The following GPAT4 variants were observed in gnomAD, a reference collection of about 807,000 sequenced individuals.
GPAT4 encodes 1-AGP acyltransferase 6.
GPAT4 carries 17 observed loss-of-function variants against 58.0 expected under a neutral mutation model. The observed-to-expected ratio is 0.29, with a 90% CI of 0.20 to 0.44. The LOEUF (loss-of-function observed/expected upper bound fraction) is 0.44. Among genes scored for constraint, GPAT4 ranks in the 20% least tolerant of loss-of-function variants. The pLI is 1.00. For synonymous variants in GPAT4, 204 were observed against 210.1 expected (o/e 0.97, Z 0.25); for missense variants, 377 against 574.5 (o/e 0.66, Z 3.51).
At chr8:41,619,969 G>A (rs1191504870) in intron 12 of GPAT4, among the ~76,000 whole-genome samples, 5 of 152,200 alleles carry the variant, frequency 3.3e-5, no homozygotes, top group Non-Finnish European at 5.9e-5. Context: ...TTTTGCAGAT[G>A]AGAAACTGAG....
chr8:41,620,751 G>C, intron 12 of GPAT4, 142 bp from the exon 13 acceptor site: 1 of 1,376,958 alleles, frequency 7.3e-7, no homozygotes, highest in African/African-American at 1.5e-5. Context: ...ATCCCCTGAG[G>C]TTGTCTTGGT....
At chr8:41,589,973 G>A (rs563864633) in intron 1 of GPAT4, among the ~76,000 whole-genome samples, 20 of 152,322 alleles carry the variant, frequency 1.3e-4, no homozygotes, top group African/African-American at 3.8e-4. Flanking sequence ...TCTAGAACAC[G>A]GTTAGAAAAC....
rs750301619 is a variant in GPAT4 at position 41,612,893 on chromosome 8, G to T, written c.844G>T (p.Val282Leu). The change falls in exon 8 of 13, where the codon GTG (valine) becomes TTG (leucine). Residue 282 changes from valine to leucine, a missense_variant. By Grantham distance (32) the Val-to-Leu change is conservative. Transcript: ENST00000396987. ...GLMGVIQRAM[V>L]KACPHVWFER... ...CATGGGTGTGATTCAGAGAGCCATG[G>T]TGAAGGCCTGCCCACACGTCTGGTT... 6.2e-7 allele frequency: 1 copy of T among 1,614,136 alleles called. No individual in the cohort carries two copies. Among genetic ancestry groups the T allele is most frequent in the Non-Finnish European group, 8.5e-7 (1 of 1,180,028 alleles).
At chr8:41,607,891 A>G (rs932797122) in intron 2 of GPAT4, among the ~76,000 whole-genome samples, 3 of 152,162 alleles carry the variant, frequency 2.0e-5, no homozygotes, top group African/African-American at 7.2e-5. Flanking sequence ...CAAAATGTAG[A>G]ACCCTAAATT....
intron 1 of GPAT4, among the ~76,000 whole-genome samples, chr8:41,578,964 C>A (rs917345774): frequency 8.5e-5 from 13 of 152,110 alleles, no homozygotes; most frequent in Non-Finnish European, 1.3e-4. Flanking sequence ...CCAAGTATTA[C>A]CATGGATCTT....
chr8:41,589,233 C>T (rs1315242501), intron 1 of GPAT4, among the ~76,000 whole-genome samples: 1 of 152,186 alleles, frequency 6.6e-6, no homozygotes, highest in Non-Finnish European at 1.5e-5. Flanking sequence ...TTGGCTTGCT[C>T]TTTCCTCTAC....
rs1021653408 is a variant in GPAT4 at position 41,621,175 on chromosome 8, C to T, written c.*174C>T. The T allele has an allele frequency of 2.1e-5, 19 of 905,218 alleles. No individual in the cohort carries two copies. In the Admixed American group the frequency reaches 2.6e-4, roughly 12 times the overall value. The allele number at this position is 905,218 out of a possible 1,614,324, so 56.1% of individuals were successfully genotyped here. ...CGCAGCGGGATCCCTGTGCACCCGGCGCAGCCTACCCTTGGTGGTCTAAAC... is the reference window on the plus strand; with the variant it reads ...CGCAGCGGGATCCCTGTGCACCCGGTGCAGCCTACCCTTGGTGGTCTAAAC... On this transcript the variant is annotated 3_prime_UTR_variant, in exon 13 of 13. Transcript: ENST00000396987.
rs145025768 is a variant in GPAT4, at chr8:41,580,403, T to C, written c.-849+2125T>C. Among the ~76,000 whole-genome samples, 414 of 152,358 alleles carry C rather than the reference T, an allele frequency of 2.7e-3. 1 individual carries two copies. The highest frequency in any genetic ancestry group is 9.2e-3 in the African/African-American group (382 of 41,594). The stretch of plus-strand genomic sequence containing the variant: ...CTCAGAAAGCCTTTCATGCCATTAA[T>C]AGGTAAGAATCTGGGCTTCTTGGAC... On this transcript the variant is annotated intron_variant, in intron 1 of 12. Transcript: ENST00000396987.
chr8:41,591,571 GTAA>G (rs1259616523), intron 1 of GPAT4, among the ~76,000 whole-genome samples: 1 of 152,228 alleles, frequency 6.6e-6, no homozygotes, highest in Non-Finnish European at 1.5e-5. Flanking sequence ...GTGAACTAAG[GTAA>G]TGATGAAGCT....
At position 41,605,651 on chromosome 8, in the gene GPAT4, T is replaced by G. The variant is rs969240220; in HGVS notation, c.166-3765T>G. On this transcript the variant is annotated intron_variant, in intron 2 of 12. Coordinates refer to ENST00000396987, the MANE Select transcript of GPAT4 (RefSeq NM_178819.4). The stretch of plus-strand genomic sequence containing the variant: ...GTGCAGTGGCGCAATCTTGGCTCAC[T>G]GCAACCTTCGCCTCCTGGGTTCAAG... Among the ~76,000 whole-genome samples, 3 of 152,192 alleles carry G rather than the reference T, an allele frequency of 2.0e-5. No individual in the cohort carries two copies. In the East Asian group the frequency reaches 5.8e-4, roughly 29 times the overall value.
chr8:41,587,133 A>G (rs569854215), intron 1 of GPAT4, among the ~76,000 whole-genome samples: 144 of 152,326 alleles, frequency 9.5e-4, no homozygotes, highest in African/African-American at 3.3e-3. Context: ...GCATTTACAC[A>G]GAGTGCCATT....
chr8:41,588,314 C>T (rs552502356), intron 1 of GPAT4, among the ~76,000 whole-genome samples: 2 of 152,110 alleles, frequency 1.3e-5, no homozygotes, highest in Admixed American at 1.3e-4. Flanking sequence ...AGTTATGGTC[C>T]CTGAGTTGGG....
intron 1 of GPAT4, among the ~76,000 whole-genome samples, chr8:41,590,902 C>T (rs1305808770): frequency 1.3e-5 from 2 of 151,492 alleles, no homozygotes; most frequent in Non-Finnish European, 2.9e-5. Flanking sequence ...GATAAACAAA[C>T]GAGGTAACAA....
In GPAT4 at chr8:41,588,520, T is replaced by A. The variant is rs1340042949; in HGVS notation, c.-848-9772T>A. 2.0e-5 allele frequency among the ~76,000 whole-genome samples: 3 copies of A among 152,338 alleles called. No individual in the cohort carries two copies. The East Asian group carries it at 5.8e-4, about 29-fold the overall frequency. ...TTCTCTCTTCTCTCTTTTCTCTTCT[T>A]TTCTTTTCCTTTTCCTTTCCTTCTG... On this transcript the variant is annotated intron_variant, in intron 1 of 12. Coordinates refer to ENST00000396987, the MANE Select transcript of GPAT4 (RefSeq NM_178819.4).
chr8:41,595,353 T>TA lies in GPAT4; in HGVS notation c.-848-2938dup, dbSNP rs1367225790. On this transcript the variant is annotated intron_variant, in intron 1 of 12. Coordinates refer to ENST00000396987, the MANE Select transcript of GPAT4 (RefSeq NM_178819.4). ...TTTTTTTTTTTTTTTTTTTTTTTTT[T>TA]ACTTAGGATATTTCTGAACTGGTGA... 2.8e-4 allele frequency among the ~76,000 whole-genome samples: 29 copies of TA among 103,884 alleles called. 1 individual carries two copies. The South Asian group carries it at 5.4e-3, about 19-fold the overall frequency. 68.2% of individuals were successfully genotyped at this position (103,884 alleles called of 152,430 possible). A position where few individuals can be genotyped will look rare whatever the true frequency, so the allele number is the denominator to read the frequency against.
Position 41,618,553 on chromosome 8 carries a change from C to G in GPAT4, c.1054-131C>G, listed in dbSNP as rs112449265. 11 of 1,163,930 alleles carry G rather than the reference C, an allele frequency of 9.5e-6. No homozygotes were observed. The African/African-American group carries it at 1.2e-4, about 13-fold the overall frequency. 72.1% of individuals were successfully genotyped at this position (1,163,930 alleles called of 1,614,324 possible). On this transcript the variant is annotated intron_variant, in intron 10 of 12. Coordinates refer to ENST00000396987, the MANE Select transcript of GPAT4 (RefSeq NM_178819.4). Reference sequence around the variant, plus strand: ...CACATGGAGAGGGGCTTCCACAGTACTCATGCAAGGTCAGGGAGCAGCACC... The same window carrying G: ...CACATGGAGAGGGGCTTCCACAGTAGTCATGCAAGGTCAGGGAGCAGCACC...
In GPAT4 at chr8:41,599,100, C is replaced by G; in HGVS notation, c.-40C>G. 6.3e-7 allele frequency: 1 copy of G among 1,577,898 alleles called. No individual in the cohort carries two copies. On this transcript the variant is annotated 5_prime_UTR_variant, in exon 2 of 13. Transcript: ENST00000396987. ...GACCATCTGAAGGCTGCAATTTGTT[C>G]TTAGGGAGGCAGGTGCTGGCCTGGC...
At chr8:41,620,628 G>T (rs1803721303) in intron 12 of GPAT4, among the ~76,000 whole-genome samples, 1 of 152,166 alleles carries the variant, frequency 6.6e-6, no homozygotes, top group African/African-American at 2.4e-5. Context: ...AAACTCCTTG[G>T]TAGGTTTAAG....
intron 1 of GPAT4, among the ~76,000 whole-genome samples, chr8:41,592,460 G>A (rs1044396514): frequency 6.6e-6 from 1 of 152,158 alleles, no homozygotes; most frequent in Non-Finnish European, 1.5e-5. Flanking sequence ...TGAATTCTTT[G>A]CCTTCTCTAG....
Sources: gnomAD v4.1 joint callset for allele counts (sites outside exome capture counted in the v4.1 genomes callset) on GRCh38, gnomAD v4.1.1 for gene constraint, MANE v1.5 for transcripts, NCBI Gene and HGNC (gene_info 2026-07-23, HGNC 2026-07-21) for gene names.